Variants in MTUS1 observed in about 807,000 individuals in gnomAD.
MTUS1 encodes the protein microtubule-associated tumor suppressor 1.
MTUS1 carries 109 observed loss-of-function variants against 120.8 expected under a neutral mutation model. That is an observed-to-expected ratio of 0.90 (90% confidence interval 0.77 to 1.06). The LOEUF (loss-of-function observed/expected upper bound fraction) is 1.06. Ranked by LOEUF, MTUS1 falls within the 50% of genes least tolerant of loss-of-function variation. The probability of loss-of-function intolerance (pLI) is 0.00; values close to 1 mark genes in which losing one functional copy is unlikely to be tolerated. For synonymous variants in MTUS1, 737 were observed against 550.5 expected, an observed-to-expected ratio of 1.34 and a Z score of -4.74; for missense variants, 2,210 against 1,486.3, an observed-to-expected ratio of 1.49 and a Z score of -8.01.
chr8:17,742,278 T>G lies in MTUS1; in HGVS notation c.2287+1326A>C, dbSNP rs1191573531. ...GCTCTCATGCCCAGCTGTTTTTTTT[T>G]TTTGTTGTTGTTGTTTTTTTTTTTT... On this transcript the variant is annotated intron_variant, in intron 3 of 14. Coordinates refer to ENST00000693296, the MANE Select transcript of MTUS1 (RefSeq NM_001363059.2). Among the ~76,000 whole-genome samples, 8 of 126,046 alleles carry G rather than the reference T, an allele frequency of 6.3e-5. 1 individual carries two copies. The East Asian group carries it at 1.9e-3, about 30-fold the overall frequency. The allele number at this position is 126,046 out of a possible 152,430, so 82.7% of individuals were successfully genotyped here.
chr8:17,790,024 T>C (rs1429724198), intron 1 of MTUS1, among the ~76,000 whole-genome samples: 1 of 152,052 alleles, frequency 6.6e-6, no homozygotes, highest in African/African-American at 2.4e-5. Flanking sequence ...TAGCTTACAA[T>C]AAGGAAACAG....
chr8:17,744,553 T>C (rs1021969472), intron 2 of MTUS1, among the ~76,000 whole-genome samples: 1 of 152,136 alleles, frequency 6.6e-6, no homozygotes, highest in African/African-American at 2.4e-5. Flanking sequence ...CCTGAGTAGC[T>C]GGGATTACGG....
At chr8:17,717,736 G>A (rs1360226970) in intron 4 of MTUS1, among the ~76,000 whole-genome samples, 1 of 152,064 alleles carries the variant, frequency 6.6e-6, no homozygotes, top group African/African-American at 2.4e-5. Flanking sequence ...GTACTCCTGT[G>A]TCCCTTGCCT....
intron 4 of MTUS1, among the ~76,000 whole-genome samples, chr8:17,720,913 C>T (rs116571352): frequency 0.011 from 1,710 of 152,210 alleles, 38 homozygotes; most frequent in African/African-American, 0.039. Context: ...CTTAAAAGAA[C>T]ACACACAAAG....
intron 6 of MTUS1, among the ~76,000 whole-genome samples, chr8:17,691,781 T>C (rs953600243): frequency 3.9e-5 from 6 of 152,166 alleles, no homozygotes; most frequent in African/African-American, 1.4e-4. Flanking sequence ...CAAGAGAAAT[T>C]GAAGTTTACT....
At chr8:17,661,472 C>G (rs943144700) in intron 8 of MTUS1, among the ~76,000 whole-genome samples, 1 of 152,232 alleles carries the variant, frequency 6.6e-6, no homozygotes, top group South Asian at 2.1e-4. Flanking sequence ...AGAAGAGCTT[C>G]GAAGCTGACG....
At chr8:17,766,197 G>A (rs186487117) in intron 1 of MTUS1, among the ~76,000 whole-genome samples, 14 of 152,226 alleles carry the variant, frequency 9.2e-5, no homozygotes, top group African/African-American at 3.4e-4. Context: ...TACGGTATTA[G>A]CAAAAACAAG....
intron 6 of MTUS1, chr8:17,692,088 T>C (rs1585729314): frequency 6.6e-6 from 1 of 152,312 alleles, no homozygotes; most frequent in South Asian, 2.1e-4. Context: ...ATCCAACTTG[T>C]TAAATAATAC....
rs146547468 is a variant in MTUS1, at chr8:17,736,636, G to C, written c.2287+6968C>G. 7.8e-3 allele frequency among the ~76,000 whole-genome samples: 1,192 copies of C among 152,114 alleles called. 13 individuals carry two copies. Among genetic ancestry groups the C allele is most frequent in the African/African-American group, 0.028 (1,150 of 41,486 alleles). ...GTCTTGCTCTCTCACCCAGGCTGGA[G>C]TGCAGTGGTGCGACCTCAGCTAGCT... On this transcript the variant is annotated intron_variant, in intron 3 of 14. Coordinates refer to ENST00000693296, the MANE Select transcript of MTUS1 (RefSeq NM_001363059.2).
intron 1 of MTUS1, among the ~76,000 whole-genome samples, chr8:17,765,347 G>A (rs1367971853): frequency 1.3e-5 from 2 of 152,244 alleles, no homozygotes; most frequent in Admixed American, 6.5e-5. Flanking sequence ...AGCTGTCATT[G>A]GCTGGGCATG....
intron 8 of MTUS1, among the ~76,000 whole-genome samples, chr8:17,659,544 A>C (rs1170507327): frequency 6.6e-6 from 1 of 152,048 alleles, no homozygotes; most frequent in South Asian, 2.1e-4. Context: ...AAAATACAAA[A>C]TTAGCTGGGC....
intron 7 of MTUS1, among the ~76,000 whole-genome samples, chr8:17,679,772 G>T (rs998365167): frequency 6.6e-6 from 1 of 152,046 alleles, no homozygotes; most frequent in African/African-American, 2.4e-5. Flanking sequence ...CAAAGTGCTG[G>T]GATTACAGGT....
At chr8:17,669,998 G>C (rs1213564678) in intron 8 of MTUS1, among the ~76,000 whole-genome samples, 1 of 152,200 alleles carries the variant, frequency 6.6e-6, no homozygotes, top group African/African-American at 2.4e-5. Flanking sequence ...AGAAATTGTG[G>C]GACTTAAAAC....
At chr8:17,767,493 T>C (rs1221672784) in intron 1 of MTUS1, among the ~76,000 whole-genome samples, 3 of 151,196 alleles carry the variant, frequency 2.0e-5, no homozygotes, top group Non-Finnish European at 4.4e-5. Context: ...GGCCTGGAGT[T>C]TGAGACTAGC....
chr8:17,722,948 G>C (rs959784925), intron 4 of MTUS1, among the ~76,000 whole-genome samples: 4 of 152,066 alleles, frequency 2.6e-5, no homozygotes, highest in Non-Finnish European at 5.9e-5. Flanking sequence ...GGTTTTATTG[G>C]TATTCTCATC....
At chr8:17,768,395 G>C (rs1360246899) in intron 1 of MTUS1, among the ~76,000 whole-genome samples, 2 of 152,100 alleles carry the variant, frequency 1.3e-5, no homozygotes, top group Non-Finnish European at 2.9e-5. Flanking sequence ...AATTTATTAA[G>C]CATAGAGACA....
At chr8:17,662,418 C>T (rs1243563238) in intron 8 of MTUS1, among the ~76,000 whole-genome samples, 4 of 143,252 alleles carry the variant, frequency 2.8e-5, no homozygotes, top group African/African-American at 8.0e-5. Flanking sequence ...TGCAGTGGCA[C>T]GATCTCGGCT....
intron 4 of MTUS1, chr8:17,721,719 C>G: frequency 6.5e-7 from 1 of 1,549,734 alleles, no homozygotes; most frequent in Non-Finnish European, 8.7e-7. Flanking sequence ...TACTTTTTTT[C>G]CCAGTAAACG....
chr8:17,655,735 A>AAAC (rs1273428578), intron 9 of MTUS1, 128 bp downstream of exon 9: 10 of 820,968 alleles, frequency 1.2e-5, no homozygotes, highest in South Asian at 1.6e-5. Context: ...TGTCTTAAAT[A>AAAC]AACAACAACA....
Sources: allele counts gnomAD v4.1 joint callset (sites outside exome capture counted in the v4.1 genomes callset), GRCh38; gene constraint gnomAD v4.1.1; transcripts MANE v1.5; gene names NCBI Gene and HGNC (gene_info 2026-07-23, HGNC 2026-07-21).